GPBP1L1: variants seen among roughly 807,000 people sequenced by gnomAD.
GPBP1L1 encodes the protein GC-rich promoter binding protein 1 like 1.
GPBP1L1 carries 23 observed loss-of-function variants against 52.5 expected under a neutral mutation model. That is an observed-to-expected ratio of 0.44 (90% CI 0.32 to 0.62). The LOEUF (loss-of-function observed/expected upper bound fraction) is 0.62, where lower values mean the gene tolerates loss of function less well. Among genes scored for constraint, GPBP1L1 ranks in the 20% least tolerant of loss-of-function variants. The probability of loss-of-function intolerance (pLI) is 0.06; values close to 1 mark genes in which losing one functional copy is unlikely to be tolerated. For synonymous variants in GPBP1L1, 243 were observed against 203.1 expected (o/e 1.20, Z -1.67); for missense variants, 596 against 579.3 (o/e 1.03, Z -0.30).
chr1:45,652,668 AAAAGTATTAAAGG>A (rs1189523564), intron 6 of GPBP1L1, among the ~76,000 whole-genome samples: 2 of 152,200 alleles, frequency 1.3e-5, no homozygotes, highest in Admixed American at 6.5e-5. Flanking sequence ...ATCATAGAAT[AAAAGTATTAAAGG>A]AAAGTTGTTT....
At chr1:45,655,132 C>G (rs978557960) in intron 5 of GPBP1L1, 58 bp downstream of exon 5, 5 of 1,605,684 alleles carry the variant, frequency 3.1e-6, no homozygotes, top group African/African-American at 2.7e-5. Context: ...TACCCACAGC[C>G]TGGGCTTGTC....
intron 6 of GPBP1L1, chr1:45,651,491 T>G (rs1644818633): frequency 2.1e-6 from 1 of 466,748 alleles, no homozygotes; most frequent in African/African-American, 2.0e-5. Context: ...GCCAATAGCC[T>G]CTGCTTCTTT....
intron 7 of GPBP1L1, among the ~76,000 whole-genome samples, chr1:45,641,250 T>A (rs12043945): frequency 0.29 from 43,551 of 151,998 alleles, 6,377 homozygotes; most frequent in South Asian, 0.37. Context: ...TCCCATGTTC[T>A]TGGCTATCAA....
chr1:45,645,991 TG>T (rs1392574218), intron 6 of GPBP1L1: 1 of 508,054 alleles, frequency 2.0e-6, no homozygotes, highest in Non-Finnish European at 3.9e-6. Context: ...GCTCTACACT[TG>T]TTTAGCCTGC....
intron 2 of GPBP1L1, among the ~76,000 whole-genome samples, chr1:45,666,473 GC>G (rs755630696): frequency 6.6e-6 from 1 of 152,060 alleles, no homozygotes; most frequent in Non-Finnish European, 1.5e-5. Flanking sequence ...TGCCTATTAA[GC>G]CACTAATACT....
At chr1:45,685,066 T>TA (rs568573498) in intron 2 of GPBP1L1, among the ~76,000 whole-genome samples, 33 of 144,870 alleles carry the variant, frequency 2.3e-4, no homozygotes, top group Admixed American at 1.0e-3. Context: ...ATCTATCGAT[T>TA]AAAAAAAAAA....
At chr1:45,672,740 G>GA (rs1280913579) in intron 2 of GPBP1L1, among the ~76,000 whole-genome samples, 2 of 152,066 alleles carry the variant, frequency 1.3e-5, no homozygotes, top group African/African-American at 2.4e-5. Context: ...GGAGACTGAG[G>GA]AAAAAAACCA....
At chr1:45,678,850 A>G (rs1408141979) in intron 2 of GPBP1L1, among the ~76,000 whole-genome samples, 1 of 152,224 alleles carries the variant, frequency 6.6e-6, no homozygotes, top group African/African-American at 2.4e-5. Flanking sequence ...ACTCACATGG[A>G]AAGTGGGTAT....
intron 2 of GPBP1L1, among the ~76,000 whole-genome samples, chr1:45,681,664 A>T (rs1268580490): frequency 2.6e-5 from 4 of 152,246 alleles, no homozygotes; most frequent in Non-Finnish European, 5.9e-5. Flanking sequence ...ACCGTCAGAC[A>T]TTATTTTAAG....
At chr1:45,657,178 C>T (rs1166974666) in intron 4 of GPBP1L1, among the ~76,000 whole-genome samples, 1 of 152,148 alleles carries the variant, frequency 6.6e-6, no homozygotes, top group Non-Finnish European at 1.5e-5. Context: ...CCCACTAGCT[C>T]CAAGCTTTGG....
At chr1:45,669,540 G>A (rs1370463833) in intron 2 of GPBP1L1, among the ~76,000 whole-genome samples, 2 of 152,202 alleles carry the variant, frequency 1.3e-5, no homozygotes, top group Admixed American at 1.3e-4. Flanking sequence ...CATAAACAAA[G>A]TGACTTTAAG....
rs1644469497 is a variant in GPBP1L1 at position 45,627,467 on chromosome 1, T to C, written c.*789A>G. Reference sequence around the variant, plus strand: ...TCCACTCATCTAATTTTAAAGAAAATATACTTCTTACACAAGACAATCCAA... The same window carrying C: ...TCCACTCATCTAATTTTAAAGAAAACATACTTCTTACACAAGACAATCCAA... On this transcript the variant is annotated 3_prime_UTR_variant, in exon 13 of 13. Coordinates refer to ENST00000355105, the MANE Select transcript of GPBP1L1 (RefSeq NM_021639.5). 6.6e-6 allele frequency: 1 copy of C among 152,552 alleles called. No individual in the cohort carries two copies. The allele number at this position is 152,552 out of a possible 1,614,324, so 9.4% of individuals were successfully genotyped here. A position where few individuals can be genotyped will look rare whatever the true frequency, so the allele number is the denominator to read the frequency against.
chr1:45,669,447 A>G (rs1420047475), intron 2 of GPBP1L1, among the ~76,000 whole-genome samples: 1 of 152,194 alleles, frequency 6.6e-6, no homozygotes, highest in East Asian at 1.9e-4. Flanking sequence ...CACTGTGGCC[A>G]GCCCAGGGAT....
intron 8 of GPBP1L1, among the ~76,000 whole-genome samples, chr1:45,636,420 T>C (rs1029383804): frequency 6.6e-6 from 1 of 152,136 alleles, no homozygotes; most frequent in Non-Finnish European, 1.5e-5. Context: ...GTAGATAATA[T>C]GTAAAATTGC....
Position 45,630,535 on chromosome 1 carries a change from G to A in GPBP1L1, c.1116C>T (p.Leu372=), listed in dbSNP as rs151116293. ...GAACCTCCCCTTCTTCCACTACAGG[G>A]AGGGCAAGACCATTTTGATGACAGC... ...EEGCHQNGLA[L]PVVEEGEVLS... Residue 372 remains leucine (L), a synonymous_variant, in exon 11 of 13, where the codon CTC becomes CTT. Coordinates refer to ENST00000355105, the MANE Select transcript of GPBP1L1 (RefSeq NM_021639.5). 46 of 1,613,964 alleles carry A rather than the reference G, an allele frequency of 2.9e-5. No homozygotes were observed. In the East Asian group the frequency reaches 4.5e-4, roughly 16 times the overall value.
At chr1:45,630,732 T>A in intron 10 of GPBP1L1, 126 bp from the exon 11 acceptor site, 1 of 971,448 alleles carries the variant, frequency 1.0e-6, no homozygotes, top group Non-Finnish European at 1.4e-6. Context: ...GCCCACAGAT[T>A]TTTTTCCCCA....
At chr1:45,667,001 C>G (rs1645018058) in intron 2 of GPBP1L1, among the ~76,000 whole-genome samples, 1 of 152,134 alleles carries the variant, frequency 6.6e-6, no homozygotes, top group Admixed American at 6.6e-5. Context: ...TCTCACAGAG[C>G]TAAAAACAGA....
At chr1:45,674,784 T>A (rs541612362) in intron 2 of GPBP1L1, among the ~76,000 whole-genome samples, 1 of 152,334 alleles carries the variant, frequency 6.6e-6, no homozygotes, top group Middle Eastern at 3.4e-3. Flanking sequence ...TGAAAACGTG[T>A]AAGGTAGGCT....
At chr1:45,652,740 TAG>T (rs960477399) in intron 6 of GPBP1L1, among the ~76,000 whole-genome samples, 5 of 151,798 alleles carry the variant, frequency 3.3e-5, no homozygotes, top group East Asian at 1.9e-4. Flanking sequence ...TTTTAAGAGA[TAG>T]AGTCTTGCTT....
Sources: allele counts gnomAD v4.1 joint callset (sites outside exome capture counted in the v4.1 genomes callset), GRCh38; gene constraint gnomAD v4.1.1; transcripts MANE v1.5; gene names NCBI Gene and HGNC (gene_info 2026-07-23, HGNC 2026-07-21).